Variants in CTNNA3 observed in about 807,000 individuals in gnomAD.
The protein encoded by CTNNA3 is catenin alpha-3.
In CTNNA3, 76 loss-of-function variants were observed where a neutral mutation model predicts 95.7. The observed-to-expected ratio is 0.79, with a 90% confidence interval of 0.66 to 0.96. The LOEUF is 0.96. Among genes scored for constraint, CTNNA3 ranks in the 40% least tolerant of loss-of-function variants. The probability of loss-of-function intolerance (pLI) is 0.00; values close to 1 mark genes in which losing one functional copy is unlikely to be tolerated. For missense variants in CTNNA3, 1,191 were observed against 1,089.8 expected (o/e 1.09, Z -1.31); for synonymous variants, 431 against 374.4 (o/e 1.15, Z -1.74).
chr10:66,354,532 G>A (rs2092594355), intron 12 of CTNNA3, among the ~76,000 whole-genome samples: 1 of 152,056 alleles, frequency 6.6e-6, no homozygotes, highest in African/African-American at 2.4e-5. Context: ...CTGAGTTTGA[G>A]GGTGGGTCAT....
chr10:66,329,117 AT>A (rs1218476524), intron 12 of CTNNA3, among the ~76,000 whole-genome samples: 1 of 150,940 alleles, frequency 6.6e-6, no homozygotes, highest in Admixed American at 6.6e-5. Context: ...CACTCTGCTA[AT>A]TTTTGTATTA....
At chr10:66,120,077 G>A (rs1189732005) in intron 13 of CTNNA3, among the ~76,000 whole-genome samples, 3 of 152,124 alleles carry the variant, frequency 2.0e-5, no homozygotes, top group Non-Finnish European at 4.4e-5. Flanking sequence ...TCAGCTCAGA[G>A]CACACAGTAG....
intron 5 of CTNNA3, among the ~76,000 whole-genome samples, chr10:67,471,971 A>C (rs1201741085): frequency 6.6e-6 from 1 of 152,240 alleles, no homozygotes; most frequent in Non-Finnish European, 1.5e-5. Flanking sequence ...TTGCTAAAGC[A>C]AAGTAGCAAA....
intron 9 of CTNNA3, among the ~76,000 whole-genome samples, chr10:66,664,145 G>T (rs1425082637): frequency 6.6e-6 from 1 of 151,758 alleles, no homozygotes; most frequent in Admixed American, 6.6e-5. Context: ...TTATACAAAA[G>T]ATTAATCTTT....
At position 67,442,232 on chromosome 10, in the gene CTNNA3, A is replaced by C. The variant is rs1219689528; in HGVS notation, c.579+79610T>G. On this transcript the variant is annotated intron_variant, in intron 5 of 17. Coordinates refer to ENST00000433211, the MANE Select transcript of CTNNA3 (RefSeq NM_013266.4). ...TGAAAAAACAGACAACAAATACACAAAAAAATAAAAAGCAGTAAATTAAAT... is the reference window on the plus strand; with the variant it reads ...TGAAAAAACAGACAACAAATACACACAAAAATAAAAAGCAGTAAATTAAAT... 2.0e-5 allele frequency among the ~76,000 whole-genome samples: 3 copies of C among 152,190 alleles called. No homozygotes were observed. The East Asian group carries it at 5.8e-4, about 29-fold the overall frequency.
chr10:66,313,950 G>T (rs1159580503), intron 12 of CTNNA3, among the ~76,000 whole-genome samples: 1 of 152,094 alleles, frequency 6.6e-6, no homozygotes, highest in Non-Finnish European at 1.5e-5. Context: ...AGATTTCTTT[G>T]CTCTATTTTA....
At chr10:66,036,849 T>G (rs1460435783) in intron 15 of CTNNA3, among the ~76,000 whole-genome samples, 2 of 150,814 alleles carry the variant, frequency 1.3e-5, no homozygotes, top group African/African-American at 4.9e-5. Context: ...ATAAAATTTA[T>G]ATAGTAGTTC....
intron 5 of CTNNA3, among the ~76,000 whole-genome samples, chr10:67,383,454 G>C (rs1035063503): frequency 2.0e-5 from 3 of 152,180 alleles, no homozygotes; most frequent in Non-Finnish European, 4.4e-5. Flanking sequence ...AAGTAGTGGA[G>C]TTGGGACTTG....
intron 4 of CTNNA3, among the ~76,000 whole-genome samples, chr10:67,528,390 C>G (rs1208466394): frequency 6.6e-6 from 1 of 152,112 alleles, no homozygotes; most frequent in Non-Finnish European, 1.5e-5. Context: ...TGTAACTTAG[C>G]ACATAGACCT....
At chr10:66,759,411 A>G (rs1296311155) in intron 9 of CTNNA3, among the ~76,000 whole-genome samples, 2 of 152,174 alleles carry the variant, frequency 1.3e-5, no homozygotes, top group Non-Finnish European at 2.9e-5. Flanking sequence ...TCCATATTTC[A>G]TACTTTACTC....
intron 13 of CTNNA3, among the ~76,000 whole-genome samples, chr10:66,266,016 G>A (rs957919275): frequency 8.2e-6 from 1 of 121,974 alleles, no homozygotes; most frequent in African/African-American, 3.2e-5. Flanking sequence ...ATGGATAAAA[G>A]AAAAAGAAAG....
intron 7 of CTNNA3, among the ~76,000 whole-genome samples, chr10:67,016,305 C>T (rs1220438325): frequency 2.6e-5 from 4 of 152,276 alleles, no homozygotes; most frequent in African/African-American, 7.2e-5. Context: ...TTTCAGCTTA[C>T]GAACTCAAAC....
At position 66,437,975 on chromosome 10, in the gene CTNNA3, G is replaced by C. The variant is rs2093349854; in HGVS notation, c.1532-58623C>G. ...AGGCCCCTCTTCTGCAGGTCTGCTG[G>C]AGTTTGCTGGAGGTCCACTCCAGAC... On this transcript the variant is annotated intron_variant, in intron 11 of 17. Transcript: ENST00000433211. 2.0e-5 allele frequency among the ~76,000 whole-genome samples: 3 copies of C among 152,158 alleles called. No homozygotes were observed. The South Asian group carries it at 6.2e-4, about 32-fold the overall frequency.
chr10:65,973,809 G>C (rs1437238603), intron 16 of CTNNA3, among the ~76,000 whole-genome samples: 2 of 151,976 alleles, frequency 1.3e-5, no homozygotes, highest in Non-Finnish European at 2.9e-5. Flanking sequence ...ACTATCCTGA[G>C]GACAGCTCAT....
intron 15 of CTNNA3, among the ~76,000 whole-genome samples, chr10:65,991,707 G>T (rs1199322836): frequency 2.6e-5 from 4 of 151,940 alleles, no homozygotes; most frequent in African/African-American, 7.2e-5. Flanking sequence ...AGGACAATTT[G>T]GCCTCCCATT....
intron 9 of CTNNA3, among the ~76,000 whole-genome samples, chr10:66,652,574 A>T (rs1845948721): frequency 6.6e-6 from 1 of 152,152 alleles, no homozygotes; most frequent in Non-Finnish European, 1.5e-5. Context: ...AAGAAGAATT[A>T]ATTCCAATCC....
intron 13 of CTNNA3, among the ~76,000 whole-genome samples, chr10:66,131,111 G>A (rs1031039597): frequency 3.3e-5 from 5 of 149,802 alleles, no homozygotes; most frequent in Non-Finnish European, 7.4e-5. Context: ...TGGACCAGAC[G>A]GATTCATAGC....
chr10:67,463,507 A>G (rs776252987), intron 5 of CTNNA3, among the ~76,000 whole-genome samples: 3 of 152,200 alleles, frequency 2.0e-5, no homozygotes, highest in Non-Finnish European at 4.4e-5. Flanking sequence ...ACACAAAGGC[A>G]AGATAAAAGG....
chr10:67,224,372 T>C (rs1864795205), intron 5 of CTNNA3, among the ~76,000 whole-genome samples: 3 of 152,214 alleles, frequency 2.0e-5, no homozygotes, highest in Non-Finnish European at 4.4e-5. Context: ...TTATTTGACT[T>C]AGCATAATGT....
Sources: allele counts gnomAD v4.1 joint callset (sites outside exome capture counted in the v4.1 genomes callset), GRCh38; gene constraint gnomAD v4.1.1; transcripts MANE v1.5; gene names NCBI Gene and HGNC (gene_info 2026-07-23, HGNC 2026-07-21).